MEF2A: variants seen among roughly 807,000 people sequenced by gnomAD.
The protein encoded by MEF2A is myocyte enhancer factor 2A.
Under a neutral mutation model 55.8 loss-of-function variants are expected in MEF2A, and 28 were observed. The observed-to-expected ratio is 0.50, with a 90% CI of 0.37 to 0.69. The LOEUF is 0.69. MEF2A is among the 30% of genes least tolerant of loss of function. The probability of loss-of-function intolerance (pLI) is 0.00; values close to 1 mark genes in which losing one functional copy is unlikely to be tolerated. For synonymous variants in MEF2A, 239 were observed against 227.1 expected (o/e 1.05, Z -0.47); for missense variants, 528 against 626.2 (o/e 0.84, Z 1.67).
intron 4 of MEF2A, among the ~76,000 whole-genome samples, chr15:99,665,312 TAGAA>T (rs1397171320): frequency 2.6e-5 from 4 of 152,126 alleles, no homozygotes; most frequent in South Asian, 4.1e-4. Context: ...CAGCAGTAGA[TAGAA>T]AGAAAAACAA....
intron 2 of MEF2A, among the ~76,000 whole-genome samples, chr15:99,610,231 G>T (rs1417284624): frequency 6.6e-6 from 1 of 151,968 alleles, no homozygotes; most frequent in Non-Finnish European, 1.5e-5. Context: ...AAAAGACACA[G>T]AGCACCTGTA....
chr15:99,643,549 A>T (rs187379957), intron 3 of MEF2A, among the ~76,000 whole-genome samples: 1 of 151,440 alleles, frequency 6.6e-6, no homozygotes, highest in Admixed American at 6.6e-5. Flanking sequence ...ACATCAACAG[A>T]TGCGGAGGTT....
At chr15:99,592,709 G>T (rs1000439071) in intron 1 of MEF2A, among the ~76,000 whole-genome samples, 3 of 151,992 alleles carry the variant, frequency 2.0e-5, no homozygotes, top group Non-Finnish European at 4.4e-5. Flanking sequence ...GTGGGGGGAG[G>T]TACTACACTC....
At chr15:99,682,031 A>G (rs1486556720) in intron 7 of MEF2A, among the ~76,000 whole-genome samples, 1 of 152,192 alleles carries the variant, frequency 6.6e-6, no homozygotes, top group East Asian at 1.9e-4. Flanking sequence ...TTTGCTTTGG[A>G]TGAGTTTTTC....
At chr15:99,599,044 A>C (rs985156190) in intron 2 of MEF2A, among the ~76,000 whole-genome samples, 2 of 152,138 alleles carry the variant, frequency 1.3e-5, no homozygotes, top group African/African-American at 2.4e-5. Flanking sequence ...TAATGGGTTC[A>C]TATTTGCAAA....
intron 6 of MEF2A, among the ~76,000 whole-genome samples, 190 bp from the exon 7 acceptor site, chr15:99,675,209 A>G (rs1228594820): frequency 2.6e-5 from 4 of 152,216 alleles, no homozygotes; most frequent in Non-Finnish European, 4.4e-5. Context: ...AGGTAAACTC[A>G]TATATATGAG....
chr15:99,584,097 A>G (rs1056645201), intron 1 of MEF2A, among the ~76,000 whole-genome samples: 7 of 152,158 alleles, frequency 4.6e-5, no homozygotes, highest in Admixed American at 2.0e-4. Flanking sequence ...AAACGTGGAA[A>G]GGGTACAGTA....
intron 2 of MEF2A, among the ~76,000 whole-genome samples, chr15:99,627,824 A>G (rs908954377): frequency 1.3e-5 from 2 of 152,226 alleles, no homozygotes; most frequent in Non-Finnish European, 2.9e-5. Flanking sequence ...TAGAATGCAC[A>G]AAAAAGTTGA....
chr15:99,591,273 C>T (rs1969185615), intron 1 of MEF2A, among the ~76,000 whole-genome samples: 1 of 152,094 alleles, frequency 6.6e-6, no homozygotes, highest in Non-Finnish European at 1.5e-5. Flanking sequence ...TCCCCTTTAT[C>T]GGTGAAGAAT....
At chr15:99,587,636 A>G (rs1299114331) in intron 1 of MEF2A, among the ~76,000 whole-genome samples, 19 of 152,138 alleles carry the variant, frequency 1.2e-4, no homozygotes, top group Admixed American at 1.2e-3. Context: ...ATTTTCTAGT[A>G]TTCAGAATGT....
At chr15:99,659,920 A>G (rs2048352453) in intron 4 of MEF2A, among the ~76,000 whole-genome samples, 1 of 152,246 alleles carries the variant, frequency 6.6e-6, no homozygotes, top group South Asian at 2.1e-4. Flanking sequence ...AATCTTGTCA[A>G]GTTTTCCACA....
At chr15:99,667,127 ATC>A (rs1396096666) in intron 4 of MEF2A, among the ~76,000 whole-genome samples, 1 of 152,242 alleles carries the variant, frequency 6.6e-6, no homozygotes, top group African/African-American at 2.4e-5. Flanking sequence ...GTTACTAGGA[ATC>A]TCTTCCTGAG....
intron 2 of MEF2A, among the ~76,000 whole-genome samples, chr15:99,627,624 T>C (rs909377980): frequency 5.3e-5 from 8 of 152,086 alleles, no homozygotes; most frequent in Admixed American, 3.9e-4. Context: ...CCAAGTATAG[T>C]TTGTAGAATA....
Position 99,633,926 on chromosome 15 carries a change from T to G in MEF2A, c.54+753T>G, listed in dbSNP as rs542802748. On this transcript the variant is annotated intron_variant, in intron 3 of 11. Transcript: ENST00000557942. ...GCATTATAACAACAGAATTGAGTAG[T>G]TGCCCCAGAAACTATATGGTCCATA... Among the ~76,000 whole-genome samples the G allele has an allele frequency of 3.9e-5, 6 of 152,352 alleles. No homozygotes were observed. In the East Asian group the frequency reaches 1.2e-3, roughly 29 times the overall value.
At chr15:99,629,052 T>A (rs1200964109) in intron 2 of MEF2A, among the ~76,000 whole-genome samples, 1 of 152,066 alleles carries the variant, frequency 6.6e-6, no homozygotes, top group Admixed American at 6.5e-5. Flanking sequence ...GTCTTCTGGC[T>A]TTTATTATTT....
intron 4 of MEF2A, among the ~76,000 whole-genome samples, chr15:99,664,323 A>G (rs943794429): frequency 6.6e-6 from 1 of 152,220 alleles, no homozygotes; most frequent in African/African-American, 2.4e-5. Context: ...CTCAAAGGCA[A>G]GAGGCAGGAG....
chr15:99,575,104 G>A (rs1963851249), intron 1 of MEF2A, among the ~76,000 whole-genome samples: 1 of 151,884 alleles, frequency 6.6e-6, no homozygotes, highest in Non-Finnish European at 1.5e-5. Context: ...AGAGGAGGTT[G>A]CACACATCAA....
intron 8 of MEF2A, among the ~76,000 whole-genome samples, chr15:99,693,808 A>G (rs1466742699): frequency 6.6e-6 from 1 of 152,240 alleles, no homozygotes; most frequent in Non-Finnish European, 1.5e-5. Context: ...GAACAGTGGA[A>G]ATGGAATAAA....
At chr15:99,646,807 G>A (rs1213363293) in intron 4 of MEF2A, among the ~76,000 whole-genome samples, 1 of 152,048 alleles carries the variant, frequency 6.6e-6, no homozygotes, top group Non-Finnish European at 1.5e-5. Flanking sequence ...TCTTCAGGCA[G>A]TGATTGATAC....
Sources: allele counts gnomAD v4.1 joint callset (sites outside exome capture counted in the v4.1 genomes callset), GRCh38; gene constraint gnomAD v4.1.1; transcripts MANE v1.5; gene names NCBI Gene and HGNC (gene_info 2026-07-23, HGNC 2026-07-21).